HDAC8: variants seen among roughly 807,000 people sequenced by gnomAD.
HDAC8 encodes histone deacetylase 8, also known as histone deacetylase-like 1.
Under a neutral mutation model 32.2 loss-of-function variants are expected in HDAC8, and 1 was observed. The observed-to-expected ratio is 0.03, with a 90% CI of 0.01 to 0.15. The LOEUF is 0.15. HDAC8 is among the 10% of genes least tolerant of loss of function. The pLI is 1.00. For missense variants in HDAC8, 117 were observed against 300.0 expected (o/e 0.39, Z 4.51); for synonymous variants, 108 against 113.9 (o/e 0.95, Z 0.33).
At chrX:72,484,229 C>T (rs1457092365) in intron 7 of HDAC8, among the ~76,000 whole-genome samples, 1 of 111,379 alleles carries the variant, frequency 9.0e-6, no homozygotes, top group Non-Finnish European at 1.9e-5. Flanking sequence ...GGACCAAATA[C>T]AGGTAGGTTC....
intron 4 of HDAC8, among the ~76,000 whole-genome samples, chrX:72,504,161 T>A (rs781902513): frequency 8.9e-6 from 1 of 112,208 alleles, no homozygotes. Context: ...TTTTTAATAT[T>A]CTTATTGAGG....
intron 4 of HDAC8, among the ~76,000 whole-genome samples, chrX:72,524,399 T>C (rs782244765): frequency 3.3e-4 from 37 of 111,939 alleles, no homozygotes; most frequent in Non-Finnish European, 6.0e-4. Flanking sequence ...TTCTTCACTC[T>C]TATACCCATG....
At chrX:72,552,527 T>C (rs1384071396) in intron 4 of HDAC8, among the ~76,000 whole-genome samples, 2 of 109,606 alleles carry the variant, frequency 1.8e-5, no homozygotes, top group Non-Finnish European at 3.8e-5. Context: ...GGCAGGAGAA[T>C]CACTTGAACC....
chrX:72,560,565 T>TAAAAAA (rs147846647), intron 4 of HDAC8, among the ~76,000 whole-genome samples: 103 of 35,205 alleles, frequency 2.9e-3, no homozygotes, highest in East Asian at 3.7e-3. Context: ...CAATAAATAC[T>TAAAAAA]AAAAAAAAAA....
chrX:72,331,057 C>T (rs1280007077), intron 10 of HDAC8, among the ~76,000 whole-genome samples: 1 of 104,106 alleles, frequency 9.6e-6, no homozygotes, highest in African/African-American at 3.5e-5. Context: ...AGCAATTCTC[C>T]TGCCTCAGCC....
intron 4 of HDAC8, among the ~76,000 whole-genome samples, chrX:72,528,199 G>A (rs1389038587): frequency 1.8e-5 from 2 of 111,223 alleles, no homozygotes; most frequent in Non-Finnish European, 3.8e-5. Context: ...TAGACTAGGA[G>A]CTCCTTGAGG....
At chrX:72,418,334 T>C (rs943337363) in intron 9 of HDAC8, among the ~76,000 whole-genome samples, 1 of 110,626 alleles carries the variant, frequency 9.0e-6, no homozygotes, top group Non-Finnish European at 1.9e-5. Context: ...CTTAAACAAA[T>C]AAGCAAAAAA....
chrX:72,565,812 AT>A (rs1256967609), intron 4 of HDAC8, among the ~76,000 whole-genome samples: 1 of 109,930 alleles, frequency 9.1e-6, no homozygotes, highest in Non-Finnish European at 1.9e-5. Context: ...GGAGAGGGTC[AT>A]TTTTTTTCTC....
intron 4 of HDAC8, among the ~76,000 whole-genome samples, chrX:72,502,467 G>A (rs2049253129): frequency 9.0e-6 from 1 of 111,139 alleles, no homozygotes; most frequent in Non-Finnish European, 1.9e-5. Flanking sequence ...TATTGAGGGT[G>A]GAGGGTGAGA....
At chrX:72,355,967 A>C (rs1358561521) in intron 9 of HDAC8, among the ~76,000 whole-genome samples, 2 of 112,329 alleles carry the variant, frequency 1.8e-5, no homozygotes, top group Non-Finnish European at 3.7e-5. Flanking sequence ...GATGAGTGGT[A>C]TAATATTAAC....
rs182881190 is a variant in HDAC8, at chrX:72,463,889, A to C, written c.910+670T>G. On this transcript the variant is annotated intron_variant, in intron 8 of 10. Transcript: ENST00000373573. ...CAATGAAATAAAGATTGTGCCAGGT[A>C]GGTAGACAGAAGATTTTAAGCAAGG... Among the ~76,000 whole-genome samples, 12 of 112,424 alleles carry C rather than the reference A, an allele frequency of 1.1e-4. No individual in the cohort carries two copies. In the East Asian group the frequency reaches 3.4e-3, roughly 32 times the overall value.
chrX:72,435,268 T>C (rs1256339024), intron 9 of HDAC8, among the ~76,000 whole-genome samples: 22 of 111,924 alleles, frequency 2.0e-4, no homozygotes, highest in African/African-American at 7.2e-4. Context: ...CTGGTAGAGC[T>C]CAGGCAGAAA....
chrX:72,385,061 C>CTT (rs1285792039), intron 9 of HDAC8, among the ~76,000 whole-genome samples: 49 of 105,545 alleles, frequency 4.6e-4, no homozygotes, highest in African/African-American at 1.6e-3. Context: ...AAAGAAAATT[C>CTT]TTTTTTTTTT....
chrX:72,428,163 C>T (rs782052081), intron 9 of HDAC8, among the ~76,000 whole-genome samples: 2 of 111,947 alleles, frequency 1.8e-5, no homozygotes, highest in South Asian at 7.5e-4. Flanking sequence ...GCGCAATCTC[C>T]GCTCACTGCA....
intron 9 of HDAC8, among the ~76,000 whole-genome samples, chrX:72,363,163 C>T (rs1555953199): frequency 1.8e-5 from 2 of 112,054 alleles, no homozygotes; most frequent in African/African-American, 6.5e-5. Context: ...TGCCCCATCA[C>T]TGCTGATCCT....
chrX:72,459,220 T>A (rs1555990842), intron 9 of HDAC8, among the ~76,000 whole-genome samples: 1 of 111,628 alleles, frequency 9.0e-6, no homozygotes. Flanking sequence ...AGTCTTTGTA[T>A]CTCTGAATCC....
intron 10 of HDAC8, among the ~76,000 whole-genome samples, chrX:72,338,587 C>T (rs1423251487): frequency 9.7e-6 from 1 of 103,555 alleles, no homozygotes; most frequent in Non-Finnish European, 1.9e-5. Context: ...ATATGAGTAC[C>T]TCTTTTAGGA....
chrX:72,446,108 C>A (rs879969443), intron 9 of HDAC8, among the ~76,000 whole-genome samples: 13 of 112,105 alleles, frequency 1.2e-4, no homozygotes, highest in Non-Finnish European at 1.7e-4. Flanking sequence ...TAGTTCAACC[C>A]TTGTGGAAGT....
chrX:72,537,200 A>C (rs900008539), intron 4 of HDAC8, among the ~76,000 whole-genome samples: 1 of 112,254 alleles, frequency 8.9e-6, no homozygotes, highest in East Asian at 2.8e-4. Flanking sequence ...ACCTGAAAGA[A>C]GACCAACCTT....
Sources: allele counts gnomAD v4.1 joint callset (sites outside exome capture counted in the v4.1 genomes callset), GRCh38; gene constraint gnomAD v4.1.1; transcripts MANE v1.5; gene names NCBI Gene and HGNC (gene_info 2026-07-23, HGNC 2026-07-21).